SMIM14: variants seen among roughly 807,000 people sequenced by gnomAD.
SMIM14 encodes the protein chromosome 4 open reading frame 34.
A neutral mutation model predicts 12.6 loss-of-function variants in SMIM14; 5 were observed. That is an observed-to-expected ratio of 0.40 (90% CI 0.21 to 0.83). SMIM14 has a LOEUF of 0.83. SMIM14 is among the 40% of genes least tolerant of loss of function. The pLI is 0.37. For synonymous variants in SMIM14, 30 were observed against 40.1 expected (o/e 0.75, Z 0.95); for missense variants, 86 against 119.1 (o/e 0.72, Z 1.29).
At chr4:39,615,095 TG>T (rs997231277) in intron 1 of SMIM14, among the ~76,000 whole-genome samples, 15 of 151,086 alleles carry the variant, frequency 9.9e-5, no homozygotes, top group Non-Finnish European at 2.2e-4. Flanking sequence ...GTCTCTAAAA[TG>T]TTTTTTTTTT....
Position 39,616,516 on chromosome 4 carries a change from G to C in SMIM14, c.-35-11336C>G, listed in dbSNP as rs556167587. On this transcript the variant is annotated intron_variant, in intron 1 of 4. Transcript: ENST00000295958. ...AGACATAAACTGAAAGCATGATTTGGAAAGTTCTTTTCCTTTCCTTTTTAA... is the reference window on the plus strand; with the variant it reads ...AGACATAAACTGAAAGCATGATTTGCAAAGTTCTTTTCCTTTCCTTTTTAA... Among the ~76,000 whole-genome samples, 102 of 152,064 alleles carry C rather than the reference G, an allele frequency of 6.7e-4. 1 individual carries two copies. The highest frequency in any genetic ancestry group is 2.4e-3 in the African/African-American group (99 of 41,482).
intron 3 of SMIM14, among the ~76,000 whole-genome samples, chr4:39,562,140 G>A (rs975142355): frequency 1.3e-5 from 2 of 151,644 alleles, no homozygotes; most frequent in African/African-American, 2.4e-5. Context: ...CTAGGAGGCC[G>A]AGGCAGGAGG....
intron 4 of SMIM14, among the ~76,000 whole-genome samples, chr4:39,553,427 A>G (rs892757843): frequency 6.6e-6 from 1 of 152,122 alleles, no homozygotes; most frequent in African/African-American, 2.4e-5. Context: ...ACATTGAGGA[A>G]TTTACTCTTT....
chr4:39,638,622 C>A (rs183782203), intron 1 of SMIM14, 117 bp downstream of exon 1: 12,425 of 973,848 alleles, frequency 0.013, 100 homozygotes, highest in Admixed American at 0.019. Flanking sequence ...GCCCGAGAAA[C>A]AGCCCTGTTC....
chr4:39,566,034 C>G (rs1262588576), intron 3 of SMIM14, among the ~76,000 whole-genome samples: 1 of 151,360 alleles, frequency 6.6e-6, no homozygotes, highest in African/African-American at 2.4e-5. Context: ...TCGTAAATTG[C>G]CCTGTCTTGG....
At chr4:39,630,500 T>C (rs753914955) in intron 1 of SMIM14, among the ~76,000 whole-genome samples, 1 of 152,212 alleles carries the variant, frequency 6.6e-6, no homozygotes, top group Non-Finnish European at 1.5e-5. Flanking sequence ...AGATGACATG[T>C]GCACAAAGAT....
In SMIM14 at chr4:39,576,660, G is replaced by GTGTGTATATATATATATATATATATA. The variant is rs1339477098; in HGVS notation, c.76-4198_76-4197insTATATATATATATATATATATACACA. 4.0e-4 allele frequency among the ~76,000 whole-genome samples: 29 copies of GTGTGTATATATATATATATATATATA among 72,368 alleles called. 2 individuals are homozygous for GTGTGTATATATATATATATATATATA. The East Asian group carries it at 4.6e-3, about 12-fold the overall frequency. 47.5% of individuals were successfully genotyped at this position (72,368 alleles called of 152,430 possible). ...CTTATACCTATGTGTGTGTGTATGTGTATATATATATATATATATATATAT... is the reference window on the plus strand; with the variant it reads ...CTTATACCTATGTGTGTGTGTATGTGTGTGTATATATATATATATATATATATATATATATATATATATATATATAT... On this transcript the variant is annotated intron_variant, in intron 2 of 4. Transcript: ENST00000295958.
intron 4 of SMIM14, among the ~76,000 whole-genome samples, chr4:39,552,766 A>G (rs1042648861): frequency 6.6e-6 from 1 of 152,206 alleles, no homozygotes; most frequent in African/African-American, 2.4e-5. Context: ...GTGTAAATCA[A>G]TGAAGCCACT....
At chr4:39,610,721 A>G (rs1323312789) in intron 1 of SMIM14, among the ~76,000 whole-genome samples, 2 of 152,006 alleles carry the variant, frequency 1.3e-5, no homozygotes, top group African/African-American at 4.8e-5. Flanking sequence ...AACTGAAAGA[A>G]CATACAACAG....
At chr4:39,637,160 G>A (rs1044668505) in intron 1 of SMIM14, among the ~76,000 whole-genome samples, 3 of 152,152 alleles carry the variant, frequency 2.0e-5, no homozygotes, top group Non-Finnish European at 2.9e-5. Context: ...TAGTTTAGAA[G>A]GGTATAAACT....
Position 39,558,663 on chromosome 4 carries a change from C to T in SMIM14, c.125-2093G>A, listed in dbSNP as rs190578057. Among the ~76,000 whole-genome samples the T allele has an allele frequency of 5.2e-4, 79 of 152,174 alleles. No homozygotes were observed. The highest frequency in any genetic ancestry group is 1.6e-3 in the African/African-American group (65 of 41,540). ...AAAGGGAGTTGCACAGACAGCTTTT[C>T]GAAAAAGAAAAATTACTCAATCAGT... On this transcript the variant is annotated intron_variant, in intron 3 of 4. Transcript: ENST00000295958. This position sits in a 1 kb window ranked among gnomAD's most constrained non-coding sequence, Gnocchi z 4.3.
In SMIM14 at chr4:39,575,079, GTTT is replaced by G. The variant is rs372419357; in HGVS notation, c.76-2619_76-2617del. 6.1e-4 allele frequency among the ~76,000 whole-genome samples: 77 copies of G among 125,408 alleles called. 2 individuals carry two copies. Among genetic ancestry groups the G allele is most frequent in the African/African-American group, 2.2e-3 (75 of 34,444 alleles). The allele number at this position is 125,408 out of a possible 152,430, so 82.3% of individuals were successfully genotyped here. On this transcript the variant is annotated intron_variant, in intron 2 of 4. Transcript: ENST00000295958. ...TTGTTTTAATAAGAACGAGAAAATA[GTTT>G]TTTTTTTTTTTTTTTTTGAGACAGA...
intron 2 of SMIM14, among the ~76,000 whole-genome samples, chr4:39,587,127 T>A (rs1713819480): frequency 6.6e-6 from 1 of 151,982 alleles, no homozygotes; most frequent in African/African-American, 2.4e-5. Flanking sequence ...ATTTAGTCCA[T>A]AGCATGTATA....
intron 3 of SMIM14, among the ~76,000 whole-genome samples, chr4:39,572,116 T>C (rs541467516): frequency 1.3e-5 from 2 of 152,088 alleles, no homozygotes; most frequent in Admixed American, 1.3e-4. Flanking sequence ...TTTTTTTCCT[T>C]ATACTTATTT....
At chr4:39,608,848 T>C (rs1714911506) in intron 1 of SMIM14, among the ~76,000 whole-genome samples, 1 of 152,228 alleles carries the variant, frequency 6.6e-6, no homozygotes, top group Admixed American at 6.5e-5. Context: ...CTGGGAAGTT[T>C]GCAGGGGAAA....
intron 2 of SMIM14, among the ~76,000 whole-genome samples, chr4:39,588,821 A>G (rs1713917640): frequency 6.6e-6 from 1 of 151,688 alleles, no homozygotes; most frequent in East Asian, 1.9e-4. Flanking sequence ...ATTTATATAA[A>G]TAATTAAATA....
At chr4:39,622,711 G>A (rs1188637935) in intron 1 of SMIM14, among the ~76,000 whole-genome samples, 10 of 152,146 alleles carry the variant, frequency 6.6e-5, no homozygotes, top group African/African-American at 1.4e-4. Context: ...GCAAATGTTC[G>A]TTTTTAAAGG....
intron 1 of SMIM14, among the ~76,000 whole-genome samples, chr4:39,620,434 C>T (rs967969631): frequency 3.3e-5 from 5 of 151,898 alleles, no homozygotes; most frequent in African/African-American, 1.2e-4. Flanking sequence ...AGCCGGAGAT[C>T]GCGCCACTGC....
At chr4:39,564,154 A>T (rs1712459373) in intron 3 of SMIM14, among the ~76,000 whole-genome samples, 1 of 152,202 alleles carries the variant, frequency 6.6e-6, no homozygotes, top group South Asian at 2.1e-4. Flanking sequence ...CATCCTCAGA[A>T]GATTATTTGT....
Sources: gnomAD v4.1 joint callset for allele counts (sites outside exome capture counted in the v4.1 genomes callset) on GRCh38, gnomAD v4.1.1 for gene constraint, Gnocchi (gnomAD v3.1) non-coding constraint, MANE v1.5 for transcripts, NCBI Gene and HGNC (gene_info 2026-07-23, HGNC 2026-07-21) for gene names.